TSC22D3: variants seen among roughly 807,000 people sequenced by gnomAD.
The protein encoded by TSC22D3 is TSC22 domain family protein 3.
TSC22D3 carries 4 observed loss-of-function variants against 11.1 expected under a neutral mutation model. The ratio of observed to expected loss-of-function variants is 0.36; its 90% CI spans 0.18 to 0.83. TSC22D3 has a LOEUF of 0.83. TSC22D3 is among the 40% of genes least tolerant of loss of function. The pLI is 0.48. For synonymous variants in TSC22D3, 77 were observed against 70.3 expected, an observed-to-expected ratio of 1.10 and a Z score of -0.48; for missense variants, 118 against 159.4, an observed-to-expected ratio of 0.74 and a Z score of 1.40.
In TSC22D3 at chrX:107,754,091, T is replaced by G. The variant is rs766460125; in HGVS notation, c.320+21009A>C. Among the ~76,000 whole-genome samples, 497 of 110,633 alleles carry G rather than the reference T, an allele frequency of 4.5e-3. 2 individuals are homozygous for G. The highest frequency in any genetic ancestry group is 0.015 in the African/African-American group (461 of 30,363). ...CCACCACGCCTAGCTAATTTTTTTT[T>G]GTATTTTTAGTAGAGACGGGGATTT... On this transcript the variant is annotated intron_variant, in intron 1 of 2. Coordinates refer to ENST00000372383, the MANE Select transcript of TSC22D3 (RefSeq NM_198057.3).
intron 2 of TSC22D3, among the ~76,000 whole-genome samples, chrX:107,714,998 T>C (rs896143424): frequency 1.8e-5 from 2 of 111,709 alleles, no homozygotes; most frequent in Non-Finnish European, 3.8e-5. Context: ...CTAGATAGGT[T>C]CTCCCCTGCA....
At position 107,716,258 on chromosome X, in the gene TSC22D3, G is replaced by A. The variant is rs764205767; in HGVS notation, c.321-308C>T. On this transcript the variant is annotated intron_variant, in intron 1 of 2. Transcript: ENST00000372383. The stretch of plus-strand genomic sequence containing the variant: ...GCTCGGGCAATATGCAAACAATGGG[G>A]CTGTGCGACCCGGGGAGTCCCCCAC... 41 of 922,942 alleles carry A rather than the reference G, an allele frequency of 4.4e-5. 2 individuals are homozygous for A. In the South Asian group the frequency reaches 1.5e-3, roughly 34 times the overall value. 76.1% of individuals were successfully genotyped at this position (922,942 alleles called of 1,213,427 possible).
intron 1 of TSC22D3, among the ~76,000 whole-genome samples, chrX:107,728,998 G>A (rs1240262674): frequency 8.9e-6 from 1 of 111,904 alleles, no homozygotes; most frequent in African/African-American, 3.3e-5. Context: ...TTGAAGACTC[G>A]CTGGCAAGAA....
At position 107,775,191 on chromosome X, in the gene TSC22D3, C is replaced by T; in HGVS notation, c.229G>A (p.Val77Met). Reference protein sequence around the residue: ...SIMRQDSLEPVLRDPCYLINE... With the variant: ...SIMRQDSLEPMLRDPCYLINE... The stretch of plus-strand genomic sequence containing the variant: ...ATCAGGTAGCAGGGGTCCCGCAGCA[C>T]CGGCTCTAGCGAATCCTGCCGCATT... Residue 77 changes from valine to methionine, a missense_variant, in exon 1 of 3, where the codon GTG becomes ATG. Physicochemically the swap from Val to Met is conservative, Grantham distance 21 (BLOSUM62 1). Transcript: ENST00000372383. The T allele has an allele frequency of 1.7e-6, 2 of 1,212,046 alleles. No individual in the cohort carries two copies. Among genetic ancestry groups the T allele is most frequent in the Non-Finnish European group, 2.2e-6 (2 of 895,603 alleles).
intron 1 of TSC22D3, among the ~76,000 whole-genome samples, chrX:107,751,431 A>T: frequency 8.9e-6 from 1 of 112,193 alleles, no homozygotes; most frequent in East Asian, 2.8e-4. Context: ...AGAGCAAATG[A>T]GCCAAAAATA....
At chrX:107,744,634 A>T (rs945627913) in intron 1 of TSC22D3, among the ~76,000 whole-genome samples, 1 of 112,420 alleles carries the variant, frequency 8.9e-6, no homozygotes, top group Non-Finnish European at 1.9e-5. Context: ...CACATGAAAC[A>T]CTTAGAACAA....
chrX:107,754,421 C>G (rs1929080462), intron 1 of TSC22D3, among the ~76,000 whole-genome samples: 1 of 111,516 alleles, frequency 9.0e-6, no homozygotes, highest in South Asian at 3.7e-4. Flanking sequence ...TCAAAGTGAT[C>G]CTGCACCCCA....
chrX:107,754,237 AG>A (rs1222348843), intron 1 of TSC22D3, among the ~76,000 whole-genome samples: 4 of 111,675 alleles, frequency 3.6e-5, no homozygotes, highest in Non-Finnish European at 1.9e-5. Context: ...GCAATTTCAA[AG>A]CTAGCTAGAC....
At chrX:107,730,214 T>G (rs924294636) in intron 1 of TSC22D3, among the ~76,000 whole-genome samples, 1 of 112,213 alleles carries the variant, frequency 8.9e-6, no homozygotes, top group African/African-American at 3.2e-5. Context: ...ATAACTTGCC[T>G]GGGATTACAC....
intron 1 of TSC22D3, among the ~76,000 whole-genome samples, chrX:107,750,740 T>A (rs1196523762): frequency 9.0e-6 from 1 of 111,241 alleles, no homozygotes; most frequent in African/African-American, 3.3e-5. Flanking sequence ...AGGTACTTAT[T>A]GGAGGCTCCA....
chrX:107,753,319 G>T (rs759399283), intron 1 of TSC22D3, among the ~76,000 whole-genome samples: 5 of 111,356 alleles, frequency 4.5e-5, no homozygotes, highest in Non-Finnish European at 9.4e-5. Context: ...GACTATGATA[G>T]GTAGCAGTGC....
chrX:107,722,013 CT>C (rs1304243669), intron 1 of TSC22D3: 1 of 363,821 alleles, frequency 2.7e-6, no homozygotes, highest in Non-Finnish European at 4.9e-6. Context: ...TACATAGTTA[CT>C]TTGGTTTCAT....
At chrX:107,715,671 A>AGAT (rs779153675) in intron 2 of TSC22D3, 5 of 458,948 alleles carry the variant, frequency 1.1e-5, no homozygotes, top group Non-Finnish European at 1.9e-5. Flanking sequence ...CAAAGACCTG[A>AGAT]GATGGAGGAG....
chrX:107,770,607 A>T (rs1359451485), intron 1 of TSC22D3, among the ~76,000 whole-genome samples: 9 of 111,780 alleles, frequency 8.1e-5, no homozygotes, highest in African/African-American at 1.6e-4. Flanking sequence ...GGGTTTTTAG[A>T]GCTGGAAGGG....
chrX:107,728,799 T>C (rs960529673), intron 1 of TSC22D3, among the ~76,000 whole-genome samples: 3 of 112,143 alleles, frequency 2.7e-5, no homozygotes, highest in Non-Finnish European at 5.6e-5. Flanking sequence ...AATTGTTTAG[T>C]TTTTCTCAGG....
intron 1 of TSC22D3, among the ~76,000 whole-genome samples, chrX:107,745,883 T>A (rs1001025337): frequency 1.8e-5 from 2 of 112,516 alleles, no homozygotes; most frequent in African/African-American, 6.5e-5. Flanking sequence ...CCTCAGCCCT[T>A]ATTTTCACAG....
At chrX:107,719,110 G>T (rs1251446228) in intron 1 of TSC22D3, among the ~76,000 whole-genome samples, 1 of 111,793 alleles carries the variant, frequency 8.9e-6, no homozygotes, top group Admixed American at 9.5e-5. Context: ...CAAGGAAGAT[G>T]ATGAGAAGAA....
intron 1 of TSC22D3, among the ~76,000 whole-genome samples, chrX:107,746,013 A>G (rs918655739): frequency 8.9e-6 from 1 of 112,409 alleles, no homozygotes; most frequent in Admixed American, 9.4e-5. Context: ...GAATATCTAT[A>G]TTACATTTCT....
In TSC22D3 at chrX:107,774,866, G is replaced by A. The variant is rs944024879; in HGVS notation, c.320+234C>T. 3 of 425,819 alleles carry A rather than the reference G, an allele frequency of 7.0e-6. No homozygotes were observed. In the African/African-American group the frequency reaches 7.5e-5, roughly 11 times the overall value. 35.1% of individuals were successfully genotyped at this position (425,819 alleles called of 1,213,427 possible). ...GTCTGCCCACCTTCTAGGCCCCAGC[G>A]TCCCCATCAGAAAGCCTTTGCAGGC... On this transcript the variant is annotated intron_variant, in intron 1 of 2. Coordinates refer to ENST00000372383, the MANE Select transcript of TSC22D3 (RefSeq NM_198057.3).
Sources: gnomAD v4.1 joint callset for allele counts (sites outside exome capture counted in the v4.1 genomes callset) on GRCh38, gnomAD v4.1.1 for gene constraint, MANE v1.5 for transcripts, NCBI Gene and HGNC (gene_info 2026-07-23, HGNC 2026-07-21) for gene names.